The following STXBP3 variants were observed in gnomAD, a reference collection of about 807,000 sequenced individuals.
The protein encoded by STXBP3 is syntaxin binding protein 3.
In STXBP3, 41 loss-of-function variants were observed where a neutral mutation model predicts 85.7. That is an observed-to-expected ratio of 0.48 (90% CI 0.37 to 0.62). The LOEUF (loss-of-function observed/expected upper bound fraction) is 0.62. Ranked by LOEUF, STXBP3 falls within the 20% of genes least tolerant of loss-of-function variation. The probability of loss-of-function intolerance (pLI) is 0.00; values close to 1 mark genes in which losing one functional copy is unlikely to be tolerated. For synonymous variants in STXBP3, 229 were observed against 231.7 expected, an observed-to-expected ratio of 0.99 and a Z score of 0.10; for missense variants, 563 against 703.1, an observed-to-expected ratio of 0.80 and a Z score of 2.25.
At chr1:108,775,519 T>G (rs191298148) in intron 7 of STXBP3, among the ~76,000 whole-genome samples, 1 of 152,204 alleles carries the variant, frequency 6.6e-6, no homozygotes, top group African/African-American at 2.4e-5. Flanking sequence ...TCTACCTATA[T>G]TTTTGTACCC....
At chr1:108,747,374 G>A (rs1293055786) in intron 1 of STXBP3, among the ~76,000 whole-genome samples, 1 of 152,028 alleles carries the variant, frequency 6.6e-6, no homozygotes, top group African/African-American at 2.4e-5. Flanking sequence ...GGAATGACCG[G>A]TGTCCAGCCG....
intron 1 of STXBP3, among the ~76,000 whole-genome samples, chr1:108,748,903 C>T (rs1661849434): frequency 6.6e-6 from 1 of 152,096 alleles, no homozygotes; most frequent in South Asian, 2.1e-4. Flanking sequence ...TAGGTAGAAG[C>T]CAGTCAGTGG....
At chr1:108,798,295 C>G in intron 16 of STXBP3, 58 bp downstream of exon 16, 1 of 1,363,828 alleles carries the variant, frequency 7.3e-7, no homozygotes, top group Non-Finnish European at 1.0e-6. Context: ...GTATTCTTTA[C>G]TTTTTGTAGT....
intron 4 of STXBP3, among the ~76,000 whole-genome samples, chr1:108,757,394 T>C (rs1662044203): frequency 2.0e-5 from 3 of 152,158 alleles, no homozygotes; most frequent in Middle Eastern, 3.4e-3. Flanking sequence ...TAAAAAACTT[T>C]AGCAGACATT....
chr1:108,773,079 T>C lies in STXBP3; in HGVS notation c.593+260T>C, dbSNP rs576342389. 4.6e-5 allele frequency among the ~76,000 whole-genome samples: 7 copies of C among 152,284 alleles called. No homozygotes were observed. In the East Asian group the frequency reaches 1.3e-3, roughly 29 times the overall value. On this transcript the variant is annotated intron_variant, in intron 7 of 18. Coordinates refer to ENST00000370008, the MANE Select transcript of STXBP3 (RefSeq NM_007269.4). ...CAGTTTAAAGAACGCTTAGAGGAAA[T>C]GTCTTTATAGTCACATAGGGAATAC...
intron 6 of STXBP3, among the ~76,000 whole-genome samples, chr1:108,763,210 C>G (rs1485835549): frequency 1.3e-5 from 2 of 152,202 alleles, no homozygotes; most frequent in African/African-American, 4.8e-5. Flanking sequence ...TTCCAACATA[C>G]AATCTAATAT....
At chr1:108,766,245 T>C (rs1662262376) in intron 6 of STXBP3, among the ~76,000 whole-genome samples, 2 of 151,540 alleles carry the variant, frequency 1.3e-5, no homozygotes, top group South Asian at 2.1e-4. Context: ...AAAAAGGTCA[T>C]GCAAGAAAAT....
intron 17 of STXBP3, 146 bp downstream of exon 17, chr1:108,800,451 C>G: frequency 1.8e-6 from 1 of 567,596 alleles, no homozygotes; most frequent in Non-Finnish European, 3.1e-6. Flanking sequence ...TTAAATGAAT[C>G]CAGATAAGCA....
chr1:108,799,139 A>T (rs1276515844), intron 16 of STXBP3, among the ~76,000 whole-genome samples: 1 of 152,176 alleles, frequency 6.6e-6, no homozygotes. Flanking sequence ...ACCCCAGTTT[A>T]TACTTTCTTT....
In STXBP3 at chr1:108,771,397, G is replaced by T. The variant is rs1234478658; in HGVS notation, c.439-1268G>T. On this transcript the variant is annotated intron_variant, in intron 6 of 18. Transcript: ENST00000370008. Reference sequence around the variant, plus strand: ...ATATATATAATATATAAATATATATGATATATATCTATATATATAATATAT... The same window carrying T: ...ATATATATAATATATAAATATATATTATATATATCTATATATATAATATAT... Among the ~76,000 whole-genome samples the T allele has an allele frequency of 6.3e-5, 5 of 78,920 alleles. No homozygotes were observed. The South Asian group carries it at 1.1e-3, about 18-fold the overall frequency. 51.8% of individuals were successfully genotyped at this position (78,920 alleles called of 152,430 possible).
chr1:108,802,476 G>C (rs1020985180), intron 17 of STXBP3, among the ~76,000 whole-genome samples: 1 of 152,136 alleles, frequency 6.6e-6, no homozygotes, highest in Non-Finnish European at 1.5e-5. Flanking sequence ...TAGCAAAGCT[G>C]CAGGATTTTG....
intron 3 of STXBP3, among the ~76,000 whole-genome samples, chr1:108,754,059 A>T (rs561136394): frequency 4.6e-5 from 6 of 130,674 alleles, no homozygotes; most frequent in Non-Finnish European, 9.5e-5. Flanking sequence ...TTGAGACAGG[A>T]TCTCACTCTG....
At position 108,758,504 on chromosome 1, in the gene STXBP3, T is replaced by C; in HGVS notation, c.259-6T>C. 6.7e-7 allele frequency: 1 copy of C among 1,484,188 alleles called. No individual in the cohort carries two copies. The highest frequency in any genetic ancestry group is 9.1e-7 in the Non-Finnish European group (1 of 1,099,084). The allele number at this position is 1,484,188 out of a possible 1,614,324, so 91.9% of individuals were successfully genotyped here. ...AAATGTGTATTAACATCTAACCTTT[T>C]TTAAGTCTGTAGATTGTTTCTTACA... On this transcript the variant is annotated splice_region_variant and splice_polypyrimidine_tract_variant and intron_variant, in intron 4 of 18. Transcript: ENST00000370008.
chr1:108,807,971 A>T (rs1663379275), intron 18 of STXBP3, among the ~76,000 whole-genome samples: 1 of 152,218 alleles, frequency 6.6e-6, no homozygotes, highest in Admixed American at 6.5e-5. Context: ...AATGCAAAAA[A>T]ATTGTTAACC....
At position 108,746,703 on chromosome 1, in the gene STXBP3, G is replaced by A. The variant is rs984471053; in HGVS notation, c.-35G>A. 2 of 1,547,796 alleles carry A rather than the reference G, an allele frequency of 1.3e-6. No individual in the cohort carries two copies. Among genetic ancestry groups the A allele is most frequent in the Non-Finnish European group, 1.7e-6 (2 of 1,145,356 alleles). Reference sequence around the variant, plus strand: ...CTGCGGCCAAAGTAGGTTGGGAGTGGAAGGTGGTGGCTGCTGCTCCGCAGT... The same window carrying A: ...CTGCGGCCAAAGTAGGTTGGGAGTGAAAGGTGGTGGCTGCTGCTCCGCAGT... On this transcript the variant is annotated 5_prime_UTR_variant, in exon 1 of 19. Transcript: ENST00000370008.
Position 108,751,116 on chromosome 1 carries a change from C to G in STXBP3, c.50-1141C>G, listed in dbSNP as rs531338889. Among the ~76,000 whole-genome samples the G allele has an allele frequency of 2.8e-4, 42 of 152,316 alleles. 2 individuals carry two copies. The highest frequency in any genetic ancestry group is 6.2e-4 in the South Asian group (3 of 4,830). On this transcript the variant is annotated intron_variant, in intron 1 of 18. Coordinates refer to ENST00000370008, the MANE Select transcript of STXBP3 (RefSeq NM_007269.4). ...TACATCACTGGTGATTGAACTCAAT[C>G]TCCAGTCCCTCTTCTTTCCCAGAGG...
chr1:108,746,733 G>GC lies in STXBP3; in HGVS notation c.-5_-4insC. On this transcript the variant is annotated 5_prime_UTR_variant, in exon 1 of 19. Coordinates refer to ENST00000370008, the MANE Select transcript of STXBP3 (RefSeq NM_007269.4). ...TGGTGGCTGCTGCTCCGCAGTGTCG[G>GC]GAAGATGGCGCCGCCGGTGGCAGAG... The GC allele has an allele frequency of 6.5e-7, 1 of 1,550,172 alleles. No homozygotes were observed. The highest frequency in any genetic ancestry group is 2.5e-5 in the East Asian group (1 of 40,768).
chr1:108,779,720 A>ATATAT (rs1662675017), intron 9 of STXBP3: 1 of 29,980 alleles, frequency 3.3e-5, no homozygotes, highest in Admixed American at 1.1e-3. Context: ...CAGGCTCACT[A>ATATAT]TCATTGAAGG....
intron 11 of STXBP3, among the ~76,000 whole-genome samples, chr1:108,791,705 A>C (rs61797332): frequency 0.045 from 6,780 of 152,158 alleles, 211 homozygotes; most frequent in Admixed American, 0.07. Flanking sequence ...CAGTTCTGTG[A>C]GTTTTGACAA....
Sources: gnomAD v4.1 joint callset for allele counts (sites outside exome capture counted in the v4.1 genomes callset) on GRCh38, gnomAD v4.1.1 for gene constraint, MANE v1.5 for transcripts, NCBI Gene and HGNC (gene_info 2026-07-23, HGNC 2026-07-21) for gene names.